The following CAP2 variants were observed in gnomAD, a reference collection of about 807,000 sequenced individuals.
CAP2 encodes the protein adenylyl cyclase-associated protein 2.
Under a neutral mutation model 57.7 loss-of-function variants are expected in CAP2, and 24 were observed. The observed-to-expected ratio is 0.42, with a 90% CI of 0.30 to 0.58. The LOEUF is 0.58. CAP2 is among the 20% of genes least tolerant of loss of function. CAP2 has a pLI of 0.22. For missense variants in CAP2, 501 were observed against 590.3 expected, an observed-to-expected ratio of 0.85 and a Z score of 1.57; for synonymous variants, 194 against 207.2, an observed-to-expected ratio of 0.94 and a Z score of 0.55.
intron 1 of CAP2, 44 bp from the exon 2 acceptor site, chr6:17,421,511 C>G: frequency 6.2e-7 from 1 of 1,612,328 alleles, no homozygotes; most frequent in Non-Finnish European, 8.5e-7. Flanking sequence ...TACTCATCCT[C>G]CCTGATGCTC....
intron 2 of CAP2, among the ~76,000 whole-genome samples, chr6:17,423,984 A>G (rs1346726448): frequency 6.6e-6 from 1 of 152,236 alleles, no homozygotes; most frequent in Non-Finnish European, 1.5e-5. Flanking sequence ...GTAAGTTTTG[A>G]CAATTTTATA....
chr6:17,555,236 C>A (rs1763270729), intron 12 of CAP2, among the ~76,000 whole-genome samples: 1 of 151,806 alleles, frequency 6.6e-6, no homozygotes, highest in South Asian at 2.1e-4. Flanking sequence ...CTCTTGTTGC[C>A]CAGGCTGGAG....
intron 11 of CAP2, among the ~76,000 whole-genome samples, chr6:17,547,326 T>C (rs1290160255): frequency 6.6e-6 from 1 of 152,168 alleles, no homozygotes; most frequent in African/African-American, 2.4e-5. Flanking sequence ...CTATATCTGA[T>C]AATCCTAGGT....
At chr6:17,545,909 G>A (rs1354319913) in intron 11 of CAP2, among the ~76,000 whole-genome samples, 1 of 152,136 alleles carries the variant, frequency 6.6e-6, no homozygotes, top group African/African-American at 2.4e-5. Flanking sequence ...TCCATGGTGT[G>A]TATGTGCCAC....
rs576991058 is a variant in CAP2, at chr6:17,453,169, G to A, written c.223-9827G>A. ...TGTTGTGTGGCAGGCAATGGGCAGG[G>A]TGGAAACTGAGATTTGAAGGTGAGG... On this transcript the variant is annotated intron_variant, in intron 3 of 12. Transcript: ENST00000229922. Among the ~76,000 whole-genome samples, 3 of 152,316 alleles carry A rather than the reference G, an allele frequency of 2.0e-5. No individual in the cohort carries two copies. In the South Asian group the frequency reaches 6.2e-4, roughly 32 times the overall value.
At chr6:17,543,577 A>ATCG (rs1363769935) in intron 11 of CAP2, among the ~76,000 whole-genome samples, 1 of 148,300 alleles carries the variant, frequency 6.7e-6, no homozygotes, top group Non-Finnish European at 1.5e-5. Flanking sequence ...GCGAGCCAAG[A>ATCG]TCGCGCCACT....
chr6:17,499,474 A>G (rs1376984203), intron 4 of CAP2, among the ~76,000 whole-genome samples: 1 of 152,206 alleles, frequency 6.6e-6, no homozygotes, highest in East Asian at 1.9e-4. Flanking sequence ...TACCACGACA[A>G]CGTAACTATC....
At chr6:17,469,615 C>T (rs866577525) in intron 4 of CAP2, among the ~76,000 whole-genome samples, 4 of 152,142 alleles carry the variant, frequency 2.6e-5, no homozygotes, top group Middle Eastern at 3.4e-3. Flanking sequence ...AGACAGAGAG[C>T]GCGTTTCTAC....
At chr6:17,459,268 A>G (rs1222222827) in intron 3 of CAP2, among the ~76,000 whole-genome samples, 1 of 152,210 alleles carries the variant, frequency 6.6e-6, no homozygotes, top group Non-Finnish European at 1.5e-5. Flanking sequence ...TTGAAGACAC[A>G]AATAAAGACT....
intron 4 of CAP2, among the ~76,000 whole-genome samples, chr6:17,488,770 G>A (rs1243532358): frequency 6.6e-6 from 1 of 152,160 alleles, no homozygotes; most frequent in Non-Finnish European, 1.5e-5. Flanking sequence ...TAGTTCTGTT[G>A]TCATCAAAGT....
At chr6:17,515,771 T>C (rs888290253) in intron 7 of CAP2, among the ~76,000 whole-genome samples, 13 of 152,214 alleles carry the variant, frequency 8.5e-5, no homozygotes, top group Non-Finnish European at 2.9e-5. Flanking sequence ...CCTAGGACTT[T>C]GGTATCTTAG....
chr6:17,540,517 A>G (rs1373255050), intron 8 of CAP2, among the ~76,000 whole-genome samples: 1 of 151,944 alleles, frequency 6.6e-6, no homozygotes, highest in Non-Finnish European at 1.5e-5. Flanking sequence ...TTGGGAGGCC[A>G]AGGAGGGTGG....
chr6:17,493,170 G>A (rs1761584933), intron 4 of CAP2, among the ~76,000 whole-genome samples: 1 of 152,046 alleles, frequency 6.6e-6, no homozygotes, highest in Admixed American at 6.5e-5. Flanking sequence ...ATTTTTATTT[G>A]TCACTTCAGT....
chr6:17,487,236 A>G (rs1019692406), intron 4 of CAP2, among the ~76,000 whole-genome samples: 8 of 152,076 alleles, frequency 5.3e-5, no homozygotes, highest in African/African-American at 1.9e-4. Flanking sequence ...GGACGTCCCC[A>G]GTCGCTTATC....
chr6:17,425,641 C>A (rs1459713223), intron 2 of CAP2, among the ~76,000 whole-genome samples: 4 of 152,172 alleles, frequency 2.6e-5, no homozygotes, highest in Non-Finnish European at 5.9e-5. Context: ...AACTCTGGCC[C>A]TGTCAGGTGC....
intron 3 of CAP2, among the ~76,000 whole-genome samples, chr6:17,439,786 C>T (rs1266087772): frequency 2.0e-5 from 3 of 151,376 alleles, no homozygotes; most frequent in African/African-American, 4.9e-5. Flanking sequence ...GTAATGCAAG[C>T]GATGGGGAGT....
chr6:17,416,875 T>A (rs987494196), intron 1 of CAP2, among the ~76,000 whole-genome samples: 1 of 152,178 alleles, frequency 6.6e-6, no homozygotes, highest in East Asian at 1.9e-4. Context: ...GGAGAATTGC[T>A]TGAGCCCAAG....
intron 8 of CAP2, among the ~76,000 whole-genome samples, chr6:17,540,564 C>T (rs1001079011): frequency 1.3e-5 from 2 of 152,026 alleles, no homozygotes. Flanking sequence ...CCAGCGTGGC[C>T]AACATGGTGA....
chr6:17,411,071 A>G (rs1044403768), intron 1 of CAP2, among the ~76,000 whole-genome samples: 1 of 152,024 alleles, frequency 6.6e-6, no homozygotes, highest in Non-Finnish European at 1.5e-5. Context: ...TCTGACTTTC[A>G]TTTAGTGTAA....
Sources: gnomAD v4.1 joint callset for allele counts (sites outside exome capture counted in the v4.1 genomes callset) on GRCh38, gnomAD v4.1.1 for gene constraint, MANE v1.5 for transcripts, NCBI Gene and HGNC (gene_info 2026-07-23, HGNC 2026-07-21) for gene names.